The following RGS6 variants were observed in gnomAD, a reference collection of about 807,000 sequenced individuals.
RGS6 encodes the protein regulator of G protein signaling 6, also known as regulator of G-protein signaling 6.
In RGS6, 30 loss-of-function variants were observed where a neutral mutation model predicts 78.5. The observed-to-expected ratio is 0.38, with a 90% CI of 0.29 to 0.52. RGS6 has a LOEUF of 0.52. Among genes scored for constraint, RGS6 ranks in the 20% least tolerant of loss-of-function variants. RGS6 has a pLI of 0.85. For missense variants in RGS6, 495 were observed against 609.7 expected, an observed-to-expected ratio of 0.81 and a Z score of 1.98; for synonymous variants, 206 against 206.0, an observed-to-expected ratio of 1.00 and a Z score of 0.00.
At chr14:72,431,062 A>T (rs1184126128) in intron 3 of RGS6, among the ~76,000 whole-genome samples, 1 of 152,216 alleles carries the variant, frequency 6.6e-6, no homozygotes, top group East Asian at 1.9e-4. Flanking sequence ...TGCATCACAC[A>T]TGCAGCAAAC....
chr14:71,870,999 T>C, the RGS6 span, among the ~76,000 whole-genome samples: 1,593 of 152,276 alleles, frequency 0.01, 57 homozygotes, highest in Admixed American at 0.076. Flanking sequence ...GTGGGAACAT[T>C]GTAGAAATGA....
intron 2 of RGS6, among the ~76,000 whole-genome samples, chr14:72,264,387 A>C (rs1051343884): frequency 4.6e-5 from 7 of 152,248 alleles, no homozygotes; most frequent in Non-Finnish European, 8.8e-5. Flanking sequence ...ACTTTCAGCC[A>C]ATATCTTCAC....
chr14:72,004,165 ACAT>A (rs1482284575), intron 2 of RGS6, among the ~76,000 whole-genome samples: 1 of 152,206 alleles, frequency 6.6e-6, no homozygotes, highest in Non-Finnish European at 1.5e-5. Flanking sequence ...AGCATAGTAT[ACAT>A]CATCATGGGA....
chr14:72,107,516 A>G (rs1359856364), intron 2 of RGS6, among the ~76,000 whole-genome samples: 1 of 152,156 alleles, frequency 6.6e-6, no homozygotes, highest in Non-Finnish European at 1.5e-5. Flanking sequence ...TAGGAAAAAA[A>G]TGTCAAAACC....
chr14:72,453,498 C>A (rs1281545599), intron 3 of RGS6, among the ~76,000 whole-genome samples: 2 of 147,132 alleles, frequency 1.4e-5, no homozygotes, highest in Admixed American at 1.4e-4. Context: ...CGCCTGTAGT[C>A]CCAGCTACTT....
chr14:72,580,960 G>A, the RGS6 span, among the ~76,000 whole-genome samples: 1 of 152,196 alleles, frequency 6.6e-6, no homozygotes, highest in Admixed American at 6.5e-5. Context: ...AAAAGTGGTT[G>A]GCTCAGGAAC....
intron 2 of RGS6, among the ~76,000 whole-genome samples, chr14:72,344,455 C>T (rs1192319579): frequency 6.6e-6 from 1 of 152,128 alleles, no homozygotes; most frequent in African/African-American, 2.4e-5. Context: ...TTATGGAATC[C>T]ATTCGCAAAG....
chr14:72,503,568 CAA>C (rs1323235259), intron 13 of RGS6, among the ~76,000 whole-genome samples: 1 of 143,480 alleles, frequency 7.0e-6, no homozygotes, highest in Non-Finnish European at 1.5e-5. Flanking sequence ...CATTTTCATT[CAA>C]AAAGAGAGAG....
At chr14:72,595,097 T>G in the RGS6 span, 1 of 152,100 alleles carries the variant, frequency 6.6e-6, no homozygotes, top group Non-Finnish European at 1.5e-5. Context: ...CATTTTATTT[T>G]CTAATAACCA....
intron 3 of RGS6, among the ~76,000 whole-genome samples, chr14:72,434,869 C>G (rs1166945629): frequency 6.6e-6 from 1 of 151,898 alleles, no homozygotes; most frequent in Non-Finnish European, 1.5e-5. Flanking sequence ...CTCTGATGAT[C>G]TATCTGCAAT....
intron 2 of RGS6, among the ~76,000 whole-genome samples, chr14:72,233,301 G>A (rs1252437306): frequency 6.6e-6 from 1 of 152,134 alleles, no homozygotes; most frequent in Non-Finnish European, 1.5e-5. Context: ...GGAGGCTTGG[G>A]TATTTCTTGG....
At chr14:71,929,569 T>C (rs1259351500), upstream of RGS6, among the ~76,000 whole-genome samples, 1 of 152,238 alleles carries the variant, frequency 6.6e-6, no homozygotes, top group African/African-American at 2.4e-5. Context: ...AAGTATGCTG[T>C]ACTTATTAAT....
chr14:72,596,192 A>G, the RGS6 span, among the ~76,000 whole-genome samples: 1 of 152,152 alleles, frequency 6.6e-6, no homozygotes, highest in Non-Finnish European at 1.5e-5. Flanking sequence ...CTCTAGGGAA[A>G]ATCCACTTTC....
At chr14:72,033,836 G>T (rs2153350465) in intron 2 of RGS6, among the ~76,000 whole-genome samples, 1 of 152,246 alleles carries the variant, frequency 6.6e-6, no homozygotes, top group Non-Finnish European at 1.5e-5. Flanking sequence ...CACAGCAGCT[G>T]CATGGTTTTA....
At chr14:72,073,219 A>T (rs150151402) in intron 2 of RGS6, among the ~76,000 whole-genome samples, 1 of 152,346 alleles carries the variant, frequency 6.6e-6, no homozygotes, top group East Asian at 1.9e-4. Context: ...AAAGGGGTAC[A>T]GTAAGTCCTT....
chr14:72,327,567 C>T (rs2074084670), intron 2 of RGS6, among the ~76,000 whole-genome samples: 1 of 152,222 alleles, frequency 6.6e-6, no homozygotes, highest in South Asian at 2.1e-4. Flanking sequence ...CGTACATCAC[C>T]AGTCAGGTGT....
At chr14:72,454,727 T>C in intron 4 of RGS6, 149 bp downstream of exon 4, 1 of 600,440 alleles carries the variant, frequency 1.7e-6, no homozygotes, top group Admixed American at 3.4e-5. Context: ...ACAAATAAAA[T>C]TAATTTATTT....
the RGS6 span, among the ~76,000 whole-genome samples, chr14:71,891,279 G>C: frequency 6.6e-6 from 1 of 152,174 alleles, no homozygotes; most frequent in African/African-American, 2.4e-5. Context: ...GTTCTCACTG[G>C]GTGCCTCTCC....
intron 2 of RGS6, among the ~76,000 whole-genome samples, chr14:72,153,910 C>T (rs2096731571): frequency 6.6e-6 from 1 of 152,134 alleles, no homozygotes; most frequent in Admixed American, 6.5e-5. Context: ...GAGCAGAGAA[C>T]TGGTCTGACC....
Sources: gnomAD v4.1 joint callset for allele counts (sites outside exome capture counted in the v4.1 genomes callset) on GRCh38, gnomAD v4.1.1 for gene constraint, MANE v1.5 for transcripts, NCBI Gene and HGNC (gene_info 2026-07-23, HGNC 2026-07-21) for gene names.